The following TMED5 variants were observed in gnomAD, a reference collection of about 807,000 sequenced individuals.
TMED5 encodes transmembrane p24 trafficking protein 5.
A neutral mutation model predicts 23.0 loss-of-function variants in TMED5; 27 were observed. The ratio of observed to expected loss-of-function variants is 1.17; its 90% CI spans 0.86 to 1.62. TMED5 has a LOEUF of 1.62. Ranked by LOEUF, TMED5 falls within the 40% of genes most tolerant of loss-of-function variation. The pLI, the probability that TMED5 is intolerant of heterozygous loss-of-function variation, is 0.00. For missense variants in TMED5, 248 were observed against 273.7 expected (o/e 0.91, Z 0.66); for synonymous variants, 97 against 100.8 (o/e 0.96, Z 0.23).
In TMED5 at chr1:93,180,196, G is replaced by A; in HGVS notation, c.47C>T (p.Ala16Val). The change falls in exon 1 of 4, where the codon GCT becomes GTT. Residue 16 changes from alanine (A) to valine (V), a missense_variant. Ala to Val is a moderately conservative substitution (Grantham distance 64). Coordinates refer to ENST00000370282, the MANE Select transcript of TMED5 (RefSeq NM_016040.5). ...WLPFPVLLLA[A>V]LPPVLLPGAA... is the part of the protein sequence containing the mutation. ...CCCAGGCAGCAGCACCGGAGGCAGA[G>A]CGGCCAGAAGGAGCACGGGGAAGGG... 6.2e-7 allele frequency: 1 copy of A among 1,613,414 alleles called. No homozygotes were observed. The highest frequency in any genetic ancestry group is 2.2e-5 in the East Asian group (1 of 44,778).
At chr1:93,172,428 G>A (rs1648760987) in intron 1 of TMED5, among the ~76,000 whole-genome samples, 1 of 151,720 alleles carries the variant, frequency 6.6e-6, no homozygotes, top group Non-Finnish European at 1.5e-5. Context: ...AACTGGAGTT[G>A]GGAATAAAAA....
At chr1:93,159,790 T>A (rs138386409) in intron 2 of TMED5, among the ~76,000 whole-genome samples, 289 of 152,294 alleles carry the variant, frequency 1.9e-3, no homozygotes, top group Non-Finnish European at 3.4e-3. Flanking sequence ...GACATATACC[T>A]GGAACAGTAG....
At chr1:93,167,584 G>A (rs942873061) in intron 1 of TMED5, among the ~76,000 whole-genome samples, 1 of 152,042 alleles carries the variant, frequency 6.6e-6, no homozygotes, top group Non-Finnish European at 1.5e-5. Context: ...AAATGCTATT[G>A]ATTTTTGTAT....
chr1:93,170,660 C>T (rs1188338583), intron 1 of TMED5, among the ~76,000 whole-genome samples: 2 of 152,220 alleles, frequency 1.3e-5, no homozygotes, highest in Non-Finnish European at 2.9e-5. Context: ...GGCCCAGGTG[C>T]GGGATCCACT....
intron 1 of TMED5, among the ~76,000 whole-genome samples, chr1:93,173,810 G>A (rs1648813893): frequency 6.6e-6 from 1 of 152,066 alleles, no homozygotes; most frequent in Admixed American, 6.6e-5. Flanking sequence ...ACTTTGTAAG[G>A]ACTTAAAGAC....
intron 1 of TMED5, chr1:93,162,426 A>T (rs1648314735): frequency 6.6e-6 from 1 of 152,274 alleles, no homozygotes; most frequent in Non-Finnish European, 1.5e-5. Flanking sequence ...GCAAAACCCC[A>T]TCTCTACTAA....
intron 1 of TMED5, among the ~76,000 whole-genome samples, chr1:93,172,491 A>G (rs758234366): frequency 6.6e-6 from 1 of 152,212 alleles, no homozygotes; most frequent in African/African-American, 2.4e-5. Flanking sequence ...AAAAAGAATT[A>G]GGTACAAATC....
rs1273393307 is a variant in TMED5, at chr1:93,153,302, G to T, written c.*1368C>A. ...TTCACATTTAGGTGTTTAAAACTTG[G>T]GAGTCTATGTTTCTAATCCTTACTT... On this transcript the variant is annotated 3_prime_UTR_variant, in exon 4 of 4. Transcript: ENST00000370282. 1 of 151,966 alleles carries T rather than the reference G, an allele frequency of 6.6e-6. No homozygotes were observed. The highest frequency in any genetic ancestry group is 2.4e-5 in the African/African-American group (1 of 41,346). 9.4% of individuals were successfully genotyped at this position (151,966 alleles called of 1,614,324 possible). A position where few individuals can be genotyped will look rare whatever the true frequency, so the allele number is the denominator to read the frequency against.
intron 2 of TMED5, chr1:93,158,963 G>T: frequency 2.0e-6 from 1 of 509,760 alleles, no homozygotes; most frequent in South Asian, 8.5e-5. Flanking sequence ...ATCTTATTTA[G>T]TAATAGCTTA....
intron 1 of TMED5, among the ~76,000 whole-genome samples, chr1:93,175,704 A>G (rs943462796): frequency 2.6e-5 from 4 of 152,124 alleles, no homozygotes; most frequent in African/African-American, 7.2e-5. Context: ...ACAAAAATGA[A>G]AGACTAATAA....
intron 1 of TMED5, among the ~76,000 whole-genome samples, chr1:93,175,510 A>AT (rs1239035362): frequency 1.3e-5 from 2 of 151,386 alleles, no homozygotes; most frequent in African/African-American, 4.8e-5. Context: ...CTCAAAAGAC[A>AT]TTTTTTCCCA....
intron 3 of TMED5, 142 bp from the exon 4 acceptor site, chr1:93,155,030 G>A: frequency 1.6e-6 from 1 of 623,276 alleles, no homozygotes; most frequent in East Asian, 2.8e-5. Context: ...CTTGAACCCA[G>A]GAGTTCAAGA....
rs1204263572 is a variant in TMED5 at position 93,150,594 on chromosome 1, A to G, written c.*4076T>C. The G allele has an allele frequency of 6.6e-6, 1 of 152,186 alleles. No homozygotes were observed. The highest frequency in any genetic ancestry group is 1.5e-5 in the Non-Finnish European group (1 of 68,032). The allele number at this position is 152,186 out of a possible 1,614,324, so 9.4% of individuals were successfully genotyped here. ...AACGTATGAGTGGTCCACTTATCCA[A>G]TTTCTCTTGCATCCTAGCAAAACAA... is the stretch of plus-strand genomic sequence containing the variant. On this transcript the variant is annotated 3_prime_UTR_variant, in exon 4 of 4. Transcript: ENST00000370282.
chr1:93,154,506 A>G lies in TMED5; in HGVS notation c.*164T>C, dbSNP rs1307366592. ...TAAGTACAACTGGATCAGCAGGATT[A>G]CTTGCACAGAAAGTGAAGACTTAAT... On this transcript the variant is annotated 3_prime_UTR_variant, in exon 4 of 4. Coordinates refer to ENST00000370282, the MANE Select transcript of TMED5 (RefSeq NM_016040.5). 3.3e-6 allele frequency: 2 copies of G among 606,454 alleles called. No individual in the cohort carries two copies. Among genetic ancestry groups the G allele is most frequent in the Non-Finnish European group, 2.9e-6 (1 of 346,078 alleles). The allele number at this position is 606,454 out of a possible 1,614,324, so 37.6% of individuals were successfully genotyped here.
intron 1 of TMED5, among the ~76,000 whole-genome samples, chr1:93,173,661 A>C (rs555416221): frequency 5.3e-5 from 8 of 152,336 alleles, no homozygotes; most frequent in Admixed American, 5.2e-4. Flanking sequence ...ATTCTTTAAG[A>C]AAAGTCAAGA....
At chr1:93,172,949 A>T (rs1264878852) in intron 1 of TMED5, among the ~76,000 whole-genome samples, 3 of 152,240 alleles carry the variant, frequency 2.0e-5, no homozygotes, top group Non-Finnish European at 4.4e-5. Context: ...AGGGACAGAA[A>T]GACAAATACT....
chr1:93,180,384 A>G lies in TMED5; in HGVS notation c.-142T>C. 8.0e-7 allele frequency: 1 copy of G among 1,247,212 alleles called. No homozygotes were observed. The highest frequency in any genetic ancestry group is 1.6e-5 in the African/African-American group (1 of 63,848). 77.3% of individuals were successfully genotyped at this position (1,247,212 alleles called of 1,614,324 possible). ...GGTGGCGGCCGCGGCGGCGGCGAAC[A>G]CTCCCTCCGAAAGAGAAGCGCAGTT... On this transcript the variant is annotated 5_prime_UTR_variant, in exon 1 of 4. Coordinates refer to ENST00000370282, the MANE Select transcript of TMED5 (RefSeq NM_016040.5).
rs1192326167 is a variant in TMED5 at position 93,150,651 on chromosome 1, C to CT, written c.*4018dup. ...AATTTATCATTTGGAACTGTCTTTT[C>CT]TTTCTGCAATGGTATTACGTGTCCT... is the stretch of plus-strand genomic sequence containing the variant. On this transcript the variant is annotated 3_prime_UTR_variant, in exon 4 of 4. Coordinates refer to ENST00000370282, the MANE Select transcript of TMED5 (RefSeq NM_016040.5). The CT allele has an allele frequency of 6.6e-6, 1 of 152,158 alleles. No homozygotes were observed. Among genetic ancestry groups the CT allele is most frequent in the African/African-American group, 2.4e-5 (1 of 41,450 alleles). 9.4% of individuals were successfully genotyped at this position (152,158 alleles called of 1,614,324 possible).
Position 93,180,060 on chromosome 1 carries a change from C to T in TMED5, c.183G>A (p.Glu61=), listed in dbSNP as rs776986275. The part of the protein sequence containing the change: ...PMPLKASLEI[E]YQVLDGAGLD... ...GTTTATCCTCCGCACTTACTTGGTA[C>T]TCGATCTCCAGCGAGGCCTTCAGGG... is the stretch of plus-strand genomic sequence containing the variant. The change falls in exon 1 of 4, where the codon GAG becomes GAA. Residue 61 remains glutamate, a synonymous_variant. Coordinates refer to ENST00000370282, the MANE Select transcript of TMED5 (RefSeq NM_016040.5). 6.2e-7 allele frequency: 1 copy of T among 1,612,888 alleles called. No individual in the cohort carries two copies. The highest frequency in any genetic ancestry group is 8.5e-7 in the Non-Finnish European group (1 of 1,179,426).
Sources: allele counts gnomAD v4.1 joint callset (sites outside exome capture counted in the v4.1 genomes callset), GRCh38; gene constraint gnomAD v4.1.1; transcripts MANE v1.5; gene names NCBI Gene and HGNC (gene_info 2026-07-23, HGNC 2026-07-21).